Variants in AOC3 observed in about 807,000 individuals in gnomAD.
AOC3 encodes the protein amine oxidase copper containing 3.
A neutral mutation model predicts 55.4 loss-of-function variants in AOC3; 47 were observed. That is an observed-to-expected ratio of 0.85 (90% CI 0.67 to 1.08). AOC3 has a LOEUF of 1.08. Ranked by LOEUF, AOC3 falls within the 50% of genes least tolerant of loss-of-function variation. The probability of loss-of-function intolerance (pLI) is 0.00; values close to 1 mark genes in which losing one functional copy is unlikely to be tolerated. For missense variants in AOC3, 853 were observed against 993.1 expected (o/e 0.86, Z 1.90); for synonymous variants, 386 against 410.7 (o/e 0.94, Z 0.73).
rs752747438 is a variant in AOC3, at chr17:42,852,887, C to A, written c.1544C>A (p.Thr515Asn). 6.2e-7 allele frequency: 1 copy of A among 1,612,314 alleles called. No homozygotes were observed. The highest frequency in any genetic ancestry group is 1.7e-5 in the Admixed American group (1 of 59,992). The change falls in exon 1 of 4, where the codon ACC becomes AAC. Residue 515 changes from threonine to asparagine, a missense_variant. Coordinates refer to ENST00000308423, the MANE Select transcript of AOC3 (RefSeq NM_003734.4). ...GKYGNQVSEH[T>N]LGTVHTHSAH... Reference sequence around the variant, plus strand: ...TACGGGAACCAAGTGTCAGAGCACACCCTGGGCACGGTCCACACCCACAGC... The same window carrying A: ...TACGGGAACCAAGTGTCAGAGCACAACCTGGGCACGGTCCACACCCACAGC...
chr17:42,853,179 C>T (rs35696523), intron 1 of AOC3: 12 of 1,365,972 alleles, frequency 8.8e-6, no homozygotes, highest in Admixed American at 3.0e-5. Context: ...GGGAAATGGC[C>T]GAGCTCAGGG....
At chr17:42,855,707 T>C (rs1338511193) in intron 3 of AOC3, 134 bp downstream of exon 3, 3 of 1,270,734 alleles carry the variant, frequency 2.4e-6, no homozygotes, top group Non-Finnish European at 3.3e-6. Context: ...TCATTATCCT[T>C]TGAGGGAACC....
At position 42,856,671 on chromosome 17, in the gene AOC3, T is replaced by A; in HGVS notation, c.*121T>A. 2 of 1,185,656 alleles carry A rather than the reference T, an allele frequency of 1.7e-6. No homozygotes were observed. The highest frequency in any genetic ancestry group is 2.4e-6 in the Non-Finnish European group (2 of 850,256). The allele number at this position is 1,185,656 out of a possible 1,614,324, so 73.4% of individuals were successfully genotyped here. On this transcript the variant is annotated 3_prime_UTR_variant, in exon 4 of 4. Transcript: ENST00000308423. Reference sequence around the variant, plus strand: ...TTTCCTGTGCCAGGACTCTCTTTCTTCCACTACCCTCCCTCGCATCCGCCT... The same window carrying A: ...TTTCCTGTGCCAGGACTCTCTTTCTACCACTACCCTCCCTCGCATCCGCCT...
Position 42,856,519 on chromosome 17 carries a change from C to T in AOC3, c.2261C>T (p.Ala754Val), listed in dbSNP as rs1428998019. Reference sequence around the variant, plus strand: ...GCTGCCTGTGCCCCCGACCTCCCTGCCTTCTCCCACGGGGGCTTCTCTCAC... The same window carrying T: ...GCTGCCTGTGCCCCCGACCTCCCTGTCTTCTCCCACGGGGGCTTCTCTCAC... ...QAAACAPDLP[A>V]FSHGGFSHN Residue 754 changes from alanine (A) to valine (V), a missense_variant, in exon 4 of 4, where the codon GCC (alanine) becomes GTC (valine). Physicochemically the swap from Ala to Val is moderately conservative, Grantham distance 64. Coordinates refer to ENST00000308423, the MANE Select transcript of AOC3 (RefSeq NM_003734.4). 1.2e-6 allele frequency: 2 copies of T among 1,607,344 alleles called. No individual in the cohort carries two copies. The highest frequency in any genetic ancestry group is 1.7e-6 in the Non-Finnish European group (2 of 1,175,882).
chr17:42,853,238 C>A, intron 1 of AOC3: 1 of 1,223,942 alleles, frequency 8.2e-7, no homozygotes. Context: ...TCTTCTCTCC[C>A]TTGTACTTAT....
In AOC3 at chr17:42,851,597, A is replaced by C; in HGVS notation, c.254A>C (p.Asp85Ala). 6.2e-7 allele frequency: 1 copy of C among 1,612,272 alleles called. No individual in the cohort carries two copies. The highest frequency in any genetic ancestry group is 8.5e-7 in the Non-Finnish European group (1 of 1,179,994). ...LTQRLGPGLV[D>A]AAQARPSDNC... ...CAGCGGCTGGGGCCAGGGCTGGTGGATGCAGCCCAGGCCCGGCCCTCGGAC... is the reference window on the plus strand; with the variant it reads ...CAGCGGCTGGGGCCAGGGCTGGTGGCTGCAGCCCAGGCCCGGCCCTCGGAC... Residue 85 changes from aspartate to alanine, a missense_variant, in exon 1 of 4, where the codon GAT becomes GCT. Asp to Ala is a moderately radical substitution (Grantham distance 126). Transcript: ENST00000308423.
intron 1 of AOC3, among the ~76,000 whole-genome samples, chr17:42,853,546 A>G (rs1462918256): frequency 2.6e-5 from 4 of 151,860 alleles, no homozygotes; most frequent in African/African-American, 9.7e-5. Context: ...TGGAGTCTTC[A>G]TCTTTGTCTT....
chr17:42,851,404 G>T lies in AOC3; in HGVS notation c.61G>T (p.Val21Phe). The T allele has an allele frequency of 6.2e-7, 1 of 1,613,790 alleles. No homozygotes were observed. The highest frequency in any genetic ancestry group is 8.5e-7 in the Non-Finnish European group (1 of 1,179,820). ...ILAVITIFAL[V>F]CVLLVGRGGD... Reference sequence around the variant, plus strand: ...GGCCGTCATCACCATCTTTGCCTTGGTTTGTGTCCTGCTGGTGGGCAGGGG... The same window carrying T: ...GGCCGTCATCACCATCTTTGCCTTGTTTTGTGTCCTGCTGGTGGGCAGGGG... Residue 21 changes from valine (V) to phenylalanine (F), a missense_variant, in exon 1 of 4, where the codon GTT becomes TTT. By Grantham distance (50) the Val-to-Phe change is conservative. Transcript: ENST00000308423.
chr17:42,851,649 G>T lies in AOC3; in HGVS notation c.306G>T (p.Gln102His), dbSNP rs772522212. 11 of 1,613,100 alleles carry T rather than the reference G, an allele frequency of 6.8e-6. No homozygotes were observed. The South Asian group carries it at 1.2e-4, about 18-fold the overall frequency. ...ACTGTGTCTTCTCAGTGGAGTTGCAGCTGCCTCCCAAGGCTGCAGCCCTGG... is the reference window on the plus strand; with the variant it reads ...ACTGTGTCTTCTCAGTGGAGTTGCATCTGCCTCCCAAGGCTGCAGCCCTGG... ...SDNCVFSVEL[Q>H]LPPKAAALAH... The change falls in exon 1 of 4, where the codon CAG becomes CAT. Residue 102 changes from glutamine to histidine, a missense_variant. Gln to His is a conservative substitution (Grantham distance 24, BLOSUM62 0). Coordinates refer to ENST00000308423, the MANE Select transcript of AOC3 (RefSeq NM_003734.4).
chr17:42,851,515 C>T lies in AOC3; in HGVS notation c.172C>T (p.Gln58Ter), dbSNP rs1567688666. ...AQPWTHPGQS[Q>*]LFADLSREEL... ...GCCTTGGACACACCCTGGCCAGAGC[C>T]AGCTGTTTGCAGACCTGAGCCGAGA... The change falls in exon 1 of 4, where the codon CAG (glutamine) becomes TAG (stop). Residue 58 changes from glutamine (Q) to a stop codon, truncating the protein, a stop_gained. Transcript: ENST00000308423. LOFTEE classifies it high-confidence loss of function. The T allele has an allele frequency of 6.2e-7, 1 of 1,614,086 alleles. No individual in the cohort carries two copies. Among genetic ancestry groups the T allele is most frequent in the Non-Finnish European group, 8.5e-7 (1 of 1,180,046 alleles).
In AOC3 at chr17:42,852,657, C is replaced by T. The variant is rs2144294762; in HGVS notation, c.1314C>T (p.Leu438=). The change falls in exon 1 of 4, where the codon CTC becomes CTT. Residue 438 remains leucine (L), a synonymous_variant. Coordinates refer to ENST00000308423, the MANE Select transcript of AOC3 (RefSeq NM_003734.4). ...AFCVFEQNQG[L]PLRRHHSDLY... Reference sequence around the variant, plus strand: ...GTGTGTTTGAACAGAACCAGGGCCTCCCCCTGCGGCGACACCACTCAGATC... The same window carrying T: ...GTGTGTTTGAACAGAACCAGGGCCTTCCCCTGCGGCGACACCACTCAGATC... 1.2e-6 allele frequency: 2 copies of T among 1,614,160 alleles called. No homozygotes were observed. Among genetic ancestry groups the T allele is most frequent in the Non-Finnish European group, 1.7e-6 (2 of 1,180,020 alleles).
rs1455052835 is a variant in AOC3 at position 42,856,463 on chromosome 17, G to T, written c.2205G>T (p.Glu735Asp). ...FRGDQDAGACEVNPLACLPQA... is the reference protein window; with the variant it reads ...FRGDQDAGACDVNPLACLPQA... Reference sequence around the variant, plus strand: ...GGGACCAGGATGCTGGGGCCTGCGAGGTCAACCCCCTAGCTTGCCTGCCCC... The same window carrying T: ...GGGACCAGGATGCTGGGGCCTGCGATGTCAACCCCCTAGCTTGCCTGCCCC... Residue 735 changes from glutamate (E) to aspartate (D), a missense_variant, in exon 4 of 4, where the codon GAG becomes GAT. Coordinates refer to ENST00000308423, the MANE Select transcript of AOC3 (RefSeq NM_003734.4). 1.9e-6 allele frequency: 3 copies of T among 1,613,312 alleles called. No homozygotes were observed. Among genetic ancestry groups the T allele is most frequent in the Non-Finnish European group, 1.7e-6 (2 of 1,179,504 alleles).
In AOC3 at chr17:42,851,550, G is replaced by A. The variant is rs374617000; in HGVS notation, c.207G>A (p.Thr69=). ...CAGACCTGAGCCGAGAGGAGCTGAC[G>A]GCTGTGATGCGCTTTCTGACCCAGC... ...LFADLSREEL[T]AVMRFLTQRL... Residue 69 remains threonine (T), a synonymous_variant, in exon 1 of 4, where the codon ACG becomes ACA. Transcript: ENST00000308423. 8.7e-6 allele frequency: 14 copies of A among 1,613,924 alleles called. No individual in the cohort carries two copies. The African/African-American group carries it at 1.2e-4, about 14-fold the overall frequency.
chr17:42,854,349 G>A, intron 1 of AOC3, 99 bp from the exon 2 acceptor site: 2 of 1,213,876 alleles, frequency 1.6e-6, no homozygotes, highest in East Asian at 2.8e-5. Flanking sequence ...CTCAGTTCTG[G>A]GCTGCTCTTT....
chr17:42,854,855 T>C, intron 2 of AOC3, 122 bp downstream of exon 2: 16 of 954,680 alleles, frequency 1.7e-5, no homozygotes, highest in Middle Eastern at 3.8e-4. Flanking sequence ...CTTTTCCTTT[T>C]TTTTTTTTTT....
At position 42,851,537 on chromosome 17, in the gene AOC3, G is replaced by A. The variant is rs1183191318; in HGVS notation, c.194G>A (p.Arg65Gln). The A allele has an allele frequency of 8.7e-6, 14 of 1,613,948 alleles. No individual in the cohort carries two copies. The highest frequency in any genetic ancestry group is 1.2e-5 in the Non-Finnish European group (14 of 1,180,006). ...GQSQLFADLS[R>Q]EELTAVMRFL... ...AGCCAGCTGTTTGCAGACCTGAGCCGAGAGGAGCTGACGGCTGTGATGCGC... is the reference window on the plus strand; with the variant it reads ...AGCCAGCTGTTTGCAGACCTGAGCCAAGAGGAGCTGACGGCTGTGATGCGC... Residue 65 changes from arginine (R) to glutamine (Q), a missense_variant, in exon 1 of 4, where the codon CGA becomes CAA. Coordinates refer to ENST00000308423, the MANE Select transcript of AOC3 (RefSeq NM_003734.4).
chr17:42,851,989 C>A lies in AOC3; in HGVS notation c.646C>A (p.Arg216Ser). ...RNLVTMTTAP[R>S]GLQSGDRATW... is the part of the protein sequence containing the mutation. ...CCTGGTGACAATGACCACGGCTCCC[C>A]GTGGTCTGCAATCAGGGGACCGGGC... The change falls in exon 1 of 4, where the codon CGT becomes AGT. Residue 216 changes from arginine to serine, a missense_variant. Physicochemically the swap from Arg to Ser is moderately radical, Grantham distance 110. Transcript: ENST00000308423. 1.2e-6 allele frequency: 2 copies of A among 1,613,820 alleles called. No homozygotes were observed. Among genetic ancestry groups the A allele is most frequent in the Non-Finnish European group, 1.7e-6 (2 of 1,179,864 alleles).
At position 42,851,306 on chromosome 17, in the gene AOC3, C is replaced by T; in HGVS notation, c.-38C>T. ...CTTGCTGGCGTGAGAATACATTGCT[C>T]TCCTTTGGTTGAATCAGCTGTCCCT... On this transcript the variant is annotated 5_prime_UTR_variant, in exon 1 of 4. Transcript: ENST00000308423. 1 of 1,553,406 alleles carries T rather than the reference C, an allele frequency of 6.4e-7. No homozygotes were observed. Among genetic ancestry groups the T allele is most frequent in the Non-Finnish European group, 8.7e-7 (1 of 1,146,980 alleles).
At position 42,856,824 on chromosome 17, in the gene AOC3, CT is replaced by C; in HGVS notation, c.*276del. ...CCCAGCCTGGAGCCGTGGCCGAGGG[CT>C]TCCCTAGATGGTTCCCTTTGTTGCT... On this transcript the variant is annotated 3_prime_UTR_variant, in exon 4 of 4. Coordinates refer to ENST00000308423, the MANE Select transcript of AOC3 (RefSeq NM_003734.4). 1.9e-6 allele frequency: 1 copy of C among 516,806 alleles called. No individual in the cohort carries two copies. The highest frequency in any genetic ancestry group is 3.4e-6 in the Non-Finnish European group (1 of 290,754). 32.0% of individuals were successfully genotyped at this position (516,806 alleles called of 1,614,324 possible). A position where few individuals can be genotyped will look rare whatever the true frequency, so the allele number is the denominator to read the frequency against.
Sources: allele counts gnomAD v4.1 joint callset (sites outside exome capture counted in the v4.1 genomes callset), GRCh38; gene constraint gnomAD v4.1.1; transcripts MANE v1.5; gene names NCBI Gene and HGNC (gene_info 2026-07-23, HGNC 2026-07-21).